The following MGAT4C variants were observed in gnomAD, a reference collection of about 807,000 sequenced individuals.
The protein encoded by MGAT4C is MGAT4 family member C.
In MGAT4C, 19 loss-of-function variants were observed where a neutral mutation model predicts 40.1. The ratio of observed to expected loss-of-function variants is 0.47; its 90% CI spans 0.33 to 0.70. The LOEUF (loss-of-function observed/expected upper bound fraction) is 0.70. Ranked by LOEUF, MGAT4C falls within the 30% of genes least tolerant of loss-of-function variation. The pLI, the probability that MGAT4C is intolerant of heterozygous loss-of-function variation, is 0.02. For missense variants in MGAT4C, 491 were observed against 563.2 expected (o/e 0.87, Z 1.30); for synonymous variants, 181 against 187.1 (o/e 0.97, Z 0.27).
chr12:86,293,887 G>C (rs1197468959), intron 4 of MGAT4C, among the ~76,000 whole-genome samples: 1 of 152,070 alleles, frequency 6.6e-6, no homozygotes, highest in Non-Finnish European at 1.5e-5. Context: ...ATGATTAAAG[G>C]TTTCTTGAAG....
At chr12:86,526,123 C>T (rs534671253) in intron 2 of MGAT4C, among the ~76,000 whole-genome samples, 20 of 152,170 alleles carry the variant, frequency 1.3e-4, no homozygotes, top group East Asian at 7.7e-4. Context: ...GGCACAGGGA[C>T]GGTGCTGTTG....
chr12:86,060,356 GAGTT>G (rs1318794748), intron 1 of MGAT4C, among the ~76,000 whole-genome samples: 1 of 152,162 alleles, frequency 6.6e-6, no homozygotes, highest in East Asian at 1.9e-4. Context: ...GTTTTATAAA[GAGTT>G]AGGAAAAGAA....
chr12:86,034,326 A>T (rs531426903), intron 2 of MGAT4C, among the ~76,000 whole-genome samples: 1 of 149,746 alleles, frequency 6.7e-6, no homozygotes, highest in South Asian at 2.1e-4. Flanking sequence ...CAGAAGGAAT[A>T]GTACCCACTC....
chr12:86,480,154 GA>G (rs1445380030), intron 2 of MGAT4C, among the ~76,000 whole-genome samples: 6 of 151,520 alleles, frequency 4.0e-5, no homozygotes, highest in South Asian at 2.1e-4. Context: ...AAAAGTTTTG[GA>G]AAAAAATACA....
chr12:86,320,105 A>T (rs909290568), intron 4 of MGAT4C, among the ~76,000 whole-genome samples: 2 of 152,014 alleles, frequency 1.3e-5, no homozygotes, highest in Admixed American at 6.6e-5. Flanking sequence ...CTGACACTAC[A>T]AGATCTCCCT....
chr12:86,537,659 T>C (rs989048702), intron 2 of MGAT4C, among the ~76,000 whole-genome samples: 3 of 152,234 alleles, frequency 2.0e-5, no homozygotes, highest in Non-Finnish European at 4.4e-5. Context: ...AGAACTTTAA[T>C]TAATATTTGT....
intron 4 of MGAT4C, among the ~76,000 whole-genome samples, chr12:86,328,528 A>C (rs966231324): frequency 1.3e-5 from 2 of 152,190 alleles, no homozygotes; most frequent in African/African-American, 2.4e-5. Flanking sequence ...ATACAGCAAC[A>C]ATAGAAAATA....
intron 2 of MGAT4C, among the ~76,000 whole-genome samples, chr12:86,680,168 A>G (rs1006446820): frequency 6.6e-6 from 1 of 152,196 alleles, no homozygotes; most frequent in East Asian, 1.9e-4. Context: ...TAGATGATCT[A>G]TTCATATTAT....
intron 2 of MGAT4C, among the ~76,000 whole-genome samples, chr12:86,700,771 A>G (rs1484094567): frequency 6.6e-6 from 1 of 152,144 alleles, no homozygotes; most frequent in Non-Finnish European, 1.5e-5. Flanking sequence ...TTTATTTAAA[A>G]GACCAATATT....
At chr12:86,517,530 A>C (rs1182485524) in intron 2 of MGAT4C, among the ~76,000 whole-genome samples, 1 of 152,204 alleles carries the variant, frequency 6.6e-6, no homozygotes, top group Admixed American at 6.5e-5. Context: ...AAGGTTTATT[A>C]CTCATATAAT....
intron 2 of MGAT4C, among the ~76,000 whole-genome samples, chr12:86,528,749 T>A (rs1294551328): frequency 6.6e-6 from 1 of 152,124 alleles, no homozygotes; most frequent in East Asian, 1.9e-4. Context: ...CTTTAGTGTA[T>A]GATTCAGCCC....
chr12:86,472,843 A>G (rs1957775266), intron 2 of MGAT4C, among the ~76,000 whole-genome samples: 1 of 152,222 alleles, frequency 6.6e-6, no homozygotes, highest in African/African-American at 2.4e-5. Context: ...GAAGAAAGAA[A>G]ATGAAATAAT....
chr12:86,254,003 A>G (rs750477853), intron 1 of MGAT4C, among the ~76,000 whole-genome samples: 2 of 152,010 alleles, frequency 1.3e-5, no homozygotes, highest in Non-Finnish European at 2.9e-5. Context: ...AGAGTTAATA[A>G]GTATCTTTTC....
intron 1 of MGAT4C, among the ~76,000 whole-genome samples, chr12:86,200,320 C>G (rs1035148552): frequency 1.3e-5 from 2 of 151,924 alleles, no homozygotes; most frequent in Admixed American, 1.3e-4. Flanking sequence ...GTCTTTGACT[C>G]TTACCTATAA....
intron 2 of MGAT4C, among the ~76,000 whole-genome samples, chr12:86,724,027 T>C (rs2136647928): frequency 6.6e-6 from 1 of 152,286 alleles, no homozygotes; most frequent in East Asian, 1.9e-4. Context: ...CATGTATTTG[T>C]TCGATACAAT....
chr12:86,541,084 C>T (rs1337592369), intron 2 of MGAT4C, among the ~76,000 whole-genome samples: 1 of 152,068 alleles, frequency 6.6e-6, no homozygotes, highest in Non-Finnish European at 1.5e-5. Flanking sequence ...CCTATGGTAA[C>T]ACTAAAGGTC....
At chr12:86,362,531 T>C (rs1955499780) in intron 3 of MGAT4C, among the ~76,000 whole-genome samples, 1 of 152,226 alleles carries the variant, frequency 6.6e-6, no homozygotes, top group Non-Finnish European at 1.5e-5. Flanking sequence ...ATTGTCAGAC[T>C]GGATTAAAAC....
chr12:86,802,699 A>C (rs976145536), intron 1 of MGAT4C, among the ~76,000 whole-genome samples: 7 of 147,930 alleles, frequency 4.7e-5, no homozygotes, highest in African/African-American at 1.7e-4. Flanking sequence ...TAGGAATCCA[A>C]CTTACAAGGG....
At chr12:86,805,994 T>G (rs1952345727) in intron 1 of MGAT4C, among the ~76,000 whole-genome samples, 1 of 152,008 alleles carries the variant, frequency 6.6e-6, no homozygotes, top group African/African-American at 2.4e-5. Flanking sequence ...TTTTCATAAA[T>G]TTATTGGCCA....
Sources: gnomAD v4.1 joint callset for allele counts (sites outside exome capture counted in the v4.1 genomes callset) on GRCh38, gnomAD v4.1.1 for gene constraint, MANE v1.5 for transcripts, NCBI Gene and HGNC (gene_info 2026-07-23, HGNC 2026-07-21) for gene names.